Variants in INPP4B observed in about 807,000 individuals in gnomAD.
INPP4B encodes inositol polyphosphate 4-phosphatase type II.
In INPP4B, 55 loss-of-function variants were observed where a neutral mutation model predicts 122.5. That is an observed-to-expected ratio of 0.45 (90% CI 0.36 to 0.56). The LOEUF (loss-of-function observed/expected upper bound fraction) is 0.56. Ranked by LOEUF, INPP4B falls within the 20% of genes least tolerant of loss-of-function variation. The probability of loss-of-function intolerance (pLI) is 0.00; values close to 1 mark genes in which losing one functional copy is unlikely to be tolerated. For missense variants in INPP4B, 1,000 were observed against 1,097.7 expected, an observed-to-expected ratio of 0.91 and a Z score of 1.26; for synonymous variants, 403 against 388.7, an observed-to-expected ratio of 1.04 and a Z score of -0.43.
At chr4:142,465,912 C>T (rs1301981790) in intron 2 of INPP4B, among the ~76,000 whole-genome samples, 2 of 152,308 alleles carry the variant, frequency 1.3e-5, no homozygotes, top group East Asian at 3.9e-4. Flanking sequence ...TAATTGGAAG[C>T]TTTCTGAGGC....
intron 25 of INPP4B, among the ~76,000 whole-genome samples, chr4:142,046,565 A>G (rs1751562555): frequency 1.3e-5 from 2 of 152,126 alleles, no homozygotes; most frequent in African/African-American, 4.8e-5. Context: ...ATATGCAGGG[A>G]CTGTGAATAA....
intron 18 of INPP4B, among the ~76,000 whole-genome samples, chr4:142,135,477 A>G (rs1177905915): frequency 6.6e-6 from 1 of 152,208 alleles, no homozygotes; most frequent in African/African-American, 2.4e-5. Flanking sequence ...AGGGATGACA[A>G]CTTTAGGTCC....
intron 22 of INPP4B, among the ~76,000 whole-genome samples, chr4:142,112,224 T>G (rs929602711): frequency 6.6e-6 from 1 of 152,200 alleles, no homozygotes; most frequent in Non-Finnish European, 1.5e-5. Flanking sequence ...AATATTGAGA[T>G]ATGTATAAAC....
At chr4:142,047,087 A>C (rs527816373) in intron 25 of INPP4B, among the ~76,000 whole-genome samples, 1 of 152,282 alleles carries the variant, frequency 6.6e-6, no homozygotes, top group South Asian at 2.1e-4. Flanking sequence ...CATTTCTGAC[A>C]CTTGCAACGA....
chr4:142,635,322 T>C (rs1307815791), intron 2 of INPP4B, among the ~76,000 whole-genome samples: 3 of 152,160 alleles, frequency 2.0e-5, no homozygotes, highest in East Asian at 1.9e-4. Flanking sequence ...CAGCTAAAAA[T>C]AGAACTACCA....
intron 17 of INPP4B, among the ~76,000 whole-genome samples, chr4:142,148,094 A>T (rs1811770347): frequency 6.6e-6 from 1 of 152,152 alleles, no homozygotes; most frequent in Non-Finnish European, 1.5e-5. Flanking sequence ...TGAAAAATGA[A>T]ACAACTCTCC....
intron 23 of INPP4B, among the ~76,000 whole-genome samples, chr4:142,105,032 G>A (rs1786306434): frequency 6.6e-6 from 1 of 152,002 alleles, no homozygotes; most frequent in Non-Finnish European, 1.5e-5. Flanking sequence ...AGATTTACAG[G>A]AAAGGAACTT....
In INPP4B at chr4:142,146,978, A is replaced by G. The variant is rs1482886469; in HGVS notation, c.1564-982T>C. ...CAAAATTGCTATTAATTGTTTAAAT[A>G]CTATTTTGAATACAGATATCACAAT... On this transcript the variant is annotated intron_variant, in intron 17 of 25. Transcript: ENST00000262992. Among the ~76,000 whole-genome samples, 3 of 152,142 alleles carry G rather than the reference A, an allele frequency of 2.0e-5. 1 individual carries two copies. Among genetic ancestry groups the G allele is most frequent in the Non-Finnish European group, 4.4e-5 (3 of 68,022 alleles).
chr4:142,276,691 C>G (rs550614245), intron 9 of INPP4B, among the ~76,000 whole-genome samples: 1 of 151,820 alleles, frequency 6.6e-6, no homozygotes, highest in East Asian at 1.9e-4. Flanking sequence ...ATTTATATAG[C>G]CTGGGCCACA....
intron 9 of INPP4B, among the ~76,000 whole-genome samples, chr4:142,276,562 G>C (rs1281560722): frequency 6.6e-6 from 1 of 151,876 alleles, no homozygotes; most frequent in East Asian, 1.9e-4. Context: ...AGATTTTCCA[G>C]CTATAAAATA....
intron 9 of INPP4B, among the ~76,000 whole-genome samples, chr4:142,292,941 C>T (rs1757046254): frequency 6.6e-6 from 1 of 151,926 alleles, no homozygotes; most frequent in South Asian, 2.1e-4. Flanking sequence ...AATTTTAAAA[C>T]TTTACTTTCT....
chr4:142,625,386 C>A (rs967092125), intron 2 of INPP4B, among the ~76,000 whole-genome samples: 5 of 152,116 alleles, frequency 3.3e-5, no homozygotes, highest in African/African-American at 1.2e-4. Context: ...TTCACAATTG[C>A]TTCAAAGTGA....
At chr4:142,105,690 A>G (rs919100919) in intron 23 of INPP4B, among the ~76,000 whole-genome samples, 3 of 152,196 alleles carry the variant, frequency 2.0e-5, no homozygotes, top group Admixed American at 6.6e-5. Flanking sequence ...TTACTTCATA[A>G]ATCATTTAAA....
intron 1 of INPP4B, among the ~76,000 whole-genome samples, chr4:142,844,202 T>C (rs1783906455): frequency 6.6e-6 from 1 of 152,204 alleles, no homozygotes; most frequent in African/African-American, 2.4e-5. Flanking sequence ...AAATGGTCTA[T>C]CTGGTTGTTC....
chr4:142,506,618 A>G (rs576852076), intron 2 of INPP4B, among the ~76,000 whole-genome samples: 2 of 152,286 alleles, frequency 1.3e-5, no homozygotes, highest in African/African-American at 4.8e-5. Flanking sequence ...AGTATGAGGG[A>G]AAAGGAACAC....
At chr4:142,047,488 G>T (rs1289765319) in intron 25 of INPP4B, among the ~76,000 whole-genome samples, 1 of 152,010 alleles carries the variant, frequency 6.6e-6, no homozygotes, top group Non-Finnish European at 1.5e-5. Flanking sequence ...CACCCTTAGA[G>T]ATCACCTGGT....
At chr4:142,483,924 TGA>T (rs1820897453) in intron 2 of INPP4B, among the ~76,000 whole-genome samples, 1 of 151,948 alleles carries the variant, frequency 6.6e-6, no homozygotes, top group South Asian at 2.1e-4. Context: ...TGGATGTTGG[TGA>T]GAGAGAAGTT....
intron 2 of INPP4B, among the ~76,000 whole-genome samples, chr4:142,629,532 G>T (rs1301355836): frequency 8.5e-5 from 13 of 152,066 alleles, no homozygotes; most frequent in Non-Finnish European, 1.6e-4. Flanking sequence ...GTGTGTTTGA[G>T]GGGCAGAGAG....
intron 18 of INPP4B, among the ~76,000 whole-genome samples, chr4:142,133,373 C>T: frequency 6.6e-6 from 1 of 152,062 alleles, no homozygotes; most frequent in East Asian, 1.9e-4. Context: ...AATGTCTTAC[C>T]CTAAAAATAG....
Sources: gnomAD v4.1 joint callset for allele counts (sites outside exome capture counted in the v4.1 genomes callset) on GRCh38, gnomAD v4.1.1 for gene constraint, MANE v1.5 for transcripts, NCBI Gene and HGNC (gene_info 2026-07-23, HGNC 2026-07-21) for gene names.